The following TACC2 variants were observed in gnomAD, a reference collection of about 807,000 sequenced individuals.
The protein encoded by TACC2 is transforming acidic coiled-coil containing protein 2.
A neutral mutation model predicts 227.3 loss-of-function variants in TACC2; 137 were observed. The ratio of observed to expected loss-of-function variants is 0.60; its 90% CI spans 0.52 to 0.69. The LOEUF is 0.69. TACC2 is among the 30% of genes least tolerant of loss of function. The pLI is 0.00. For synonymous variants in TACC2, 1,523 were observed against 1,487.5 expected (o/e 1.02, Z -0.55); for missense variants, 3,470 against 3,694.4 (o/e 0.94, Z 1.57).
rs1202966044 is a variant in TACC2 at position 122,194,978 on chromosome 10, A to C, written c.5835-62A>C. Reference sequence around the variant, plus strand: ...CACTGGCTCTGGGTGCGAAGGCCACACCGGCTCAGCAGAACTGGCTCTGGG... The same window carrying C: ...CACTGGCTCTGGGTGCGAAGGCCACCCCGGCTCAGCAGAACTGGCTCTGGG... On this transcript the variant is annotated intron_variant, in intron 7 of 22. Transcript: ENST00000369005. This position sits in a 1 kb window ranked among gnomAD's most constrained non-coding sequence, Gnocchi z 4.4. 6.5e-7 allele frequency: 1 copy of C among 1,543,822 alleles called. No homozygotes were observed. The highest frequency in any genetic ancestry group is 1.4e-5 in the African/African-American group (1 of 73,318).
intron 2 of TACC2, among the ~76,000 whole-genome samples, chr10:122,047,797 G>C (rs2075198895): frequency 6.6e-6 from 1 of 152,192 alleles, no homozygotes; most frequent in Non-Finnish European, 1.5e-5. Flanking sequence ...GCATTAGTAA[G>C]TGCTCAATAA....
At chr10:122,153,084 C>T (rs1427589514) in intron 7 of TACC2, among the ~76,000 whole-genome samples, 3 of 149,144 alleles carry the variant, frequency 2.0e-5, no homozygotes, top group Non-Finnish European at 4.5e-5. Flanking sequence ...CAGCCTCCGC[C>T]TCCCAGGTTC....
At chr10:121,996,252 T>TGCTGTGTTGCTCAG (rs930605986) in intron 1 of TACC2, among the ~76,000 whole-genome samples, 1 of 152,040 alleles carries the variant, frequency 6.6e-6, no homozygotes, top group East Asian at 1.9e-4. Context: ...GACCGGGTCT[T>TGCTGTGTTGCTCAG]GCTGTGTTGC....
At chr10:122,073,332 G>A (rs1303479369) in intron 3 of TACC2, among the ~76,000 whole-genome samples, 4 of 151,684 alleles carry the variant, frequency 2.6e-5, no homozygotes, top group Non-Finnish European at 4.4e-5. Context: ...ATCCTACCTT[G>A]GGAAGGTTTG....
intron 1 of TACC2, among the ~76,000 whole-genome samples, chr10:122,013,415 G>C (rs1956186596): frequency 6.6e-6 from 1 of 152,154 alleles, no homozygotes; most frequent in Non-Finnish European, 1.5e-5. Context: ...TATTAAAACG[G>C]GAACATGATA....
chr10:122,114,374 G>A (rs947371508), intron 5 of TACC2, among the ~76,000 whole-genome samples: 1 of 152,252 alleles, frequency 6.6e-6, no homozygotes, highest in African/African-American at 2.4e-5. Flanking sequence ...TGCACGTGCA[G>A]ATTAACAGTT....
chr10:122,203,122 TATTCTACA>T (rs1423099495), intron 8 of TACC2, among the ~76,000 whole-genome samples: 1 of 152,274 alleles, frequency 6.6e-6, no homozygotes, highest in African/African-American at 2.4e-5. Flanking sequence ...CCCCTCTTTC[TATTCTACA>T]AAACCGCCAT....
chr10:122,234,640 C>A (rs531322852), intron 16 of TACC2, among the ~76,000 whole-genome samples: 7 of 152,320 alleles, frequency 4.6e-5, no homozygotes, highest in South Asian at 4.1e-4. Context: ...TTATTGAAAA[C>A]TCCAGGTGGC....
intron 1 of TACC2, among the ~76,000 whole-genome samples, chr10:122,007,100 G>T (rs1026980266): frequency 6.6e-6 from 1 of 152,004 alleles, no homozygotes; most frequent in Admixed American, 6.6e-5. Context: ...GACCTTAGGT[G>T]ATCTGCCAAC....
At chr10:122,238,082 C>T in intron 18 of TACC2, 45 bp downstream of exon 18, 1 of 1,512,526 alleles carries the variant, frequency 6.6e-7, no homozygotes, top group South Asian at 1.1e-5. Context: ...GGGATACTTA[C>T]CTGTGGTTTA....
rs1162257930 is a variant in TACC2, at chr10:122,085,566, T to C, written c.3066T>C (p.Asp1022=). 6 of 1,613,302 alleles carry C rather than the reference T, an allele frequency of 3.7e-6. No individual in the cohort carries two copies. The Admixed American group carries it at 8.3e-5, about 22-fold the overall frequency. Residue 1022 remains aspartate, a synonymous_variant, in exon 4 of 23, where the codon GAT becomes GAC. Coordinates refer to ENST00000369005, the MANE Select transcript of TACC2 (RefSeq NM_206862.4). ...QRHPGASEAA[D]GCSPLWGLSK... ...ATCCAGGAGCTTCTGAAGCAGCTGA[T>C]GGTTGTTCCCCACTCTGGGGCTTGA...
At chr10:122,196,946 A>AAC (rs2094591070) in intron 8 of TACC2, among the ~76,000 whole-genome samples, 1 of 149,956 alleles carries the variant, frequency 6.7e-6, no homozygotes. Context: ...AAAAAAAAAA[A>AAC]AAAAACAAAA....
At position 122,036,108 on chromosome 10, in the gene TACC2, C is replaced by T. The variant is rs115957392; in HGVS notation, c.33+14094C>T. Among the ~76,000 whole-genome samples the T allele has an allele frequency of 6.7e-3, 1,027 of 152,288 alleles. 9 individuals are homozygous for T. The highest frequency in any genetic ancestry group is 0.024 in the African/African-American group (990 of 41,570). ...AAAGCGTAATGCCCTCAAGGTTCAC[C>T]CATGTTGCTGCATGTCAGAATTTCC... is the stretch of plus-strand genomic sequence containing the variant. On this transcript the variant is annotated intron_variant, in intron 2 of 22. Transcript: ENST00000369005.
chr10:122,150,070 G>A lies in TACC2; in HGVS notation c.5834+6364G>A, dbSNP rs1320551253. On this transcript the variant is annotated intron_variant, in intron 7 of 22. Transcript: ENST00000369005. The surrounding 1 kb of genome is among the most constrained non-coding windows in gnomAD (Gnocchi z 4.0). ...GAGCAGAGGGCGTCAGTTAGATGGT[G>A]GCTCCCTCAGTTCCGTGGGCCCAGG... 6.6e-6 allele frequency among the ~76,000 whole-genome samples: 1 copy of A among 152,226 alleles called. No homozygotes were observed. Among genetic ancestry groups the A allele is most frequent in the Non-Finnish European group, 1.5e-5 (1 of 68,050 alleles).
At chr10:122,022,041 A>C in intron 2 of TACC2, 27 bp downstream of exon 2, 2 of 1,613,738 alleles carry the variant, frequency 1.2e-6, no homozygotes, top group Non-Finnish European at 1.7e-6. Flanking sequence ...TTCTCTCTCG[A>C]GCTACGTGGT....
rs1195920400 is a variant in TACC2 at position 122,086,417 on chromosome 10, C to T, written c.3917C>T (p.Ala1306Val). The change falls in exon 4 of 23, where the codon GCA becomes GTA. Residue 1306 changes from alanine to valine, a missense_variant. By Grantham distance (64) the Ala-to-Val change is moderately conservative (BLOSUM62 0). Around this residue, in one of 10 missense-constraint regions of TACC2, gnomAD observed 1,924 missense variants for 1,978.3 expected, o/e 0.97. Coordinates refer to ENST00000369005, the MANE Select transcript of TACC2 (RefSeq NM_206862.4). ...QPGAAGGEIP[A>V]VQASSGSPKA... ...GGAGCTGCAGGTGGGGAAATCCCTG[C>T]AGTGCAAGCCAGCAGTGGTAGTCCC... 6.2e-7 allele frequency: 1 copy of T among 1,613,706 alleles called. No homozygotes were observed. Among genetic ancestry groups the T allele is most frequent in the East Asian group, 2.2e-5 (1 of 44,886 alleles).
At chr10:122,188,157 C>T (rs576224196) in intron 7 of TACC2, among the ~76,000 whole-genome samples, 1 of 152,172 alleles carries the variant, frequency 6.6e-6, no homozygotes, top group Non-Finnish European at 1.5e-5. Context: ...GGAAGTTAAA[C>T]CGTGAGCTGA....
At chr10:122,207,655 C>T (rs2095166552) in intron 8 of TACC2, among the ~76,000 whole-genome samples, 1 of 152,202 alleles carries the variant, frequency 6.6e-6, no homozygotes, top group Non-Finnish European at 1.5e-5. Context: ...GATTAGGTTT[C>T]CTGGTTCATG....
At chr10:122,018,218 C>T (rs570669917) in intron 1 of TACC2, among the ~76,000 whole-genome samples, 4 of 152,110 alleles carry the variant, frequency 2.6e-5, no homozygotes, top group African/African-American at 4.8e-5. Flanking sequence ...TGAGAACATG[C>T]GGTGTTTGGT....
Sources: gnomAD v4.1 joint callset for allele counts (sites outside exome capture counted in the v4.1 genomes callset) on GRCh38, gnomAD v4.1.1 for gene constraint, gnomAD v4.1.1 regional missense constraint, Gnocchi (gnomAD v3.1) non-coding constraint, MANE v1.5 for transcripts, NCBI Gene and HGNC (gene_info 2026-07-23, HGNC 2026-07-21) for gene names.